METTL15: variants seen among roughly 807,000 people sequenced by gnomAD.
METTL15 encodes the protein methyltransferase 15, mitochondrial 12S rRNA N4-cytidine.
In METTL15, 34 loss-of-function variants were observed where a neutral mutation model predicts 38.3. The observed-to-expected ratio is 0.89, with a 90% CI of 0.68 to 1.18. The LOEUF (loss-of-function observed/expected upper bound fraction) is 1.18, where lower values mean the gene tolerates loss of function less well. Ranked by LOEUF, METTL15 falls within the 50% of genes most tolerant of loss-of-function variation. The pLI is 0.00. For synonymous variants in METTL15, 162 were observed against 170.9 expected, an observed-to-expected ratio of 0.95 and a Z score of 0.41; for missense variants, 438 against 498.4, an observed-to-expected ratio of 0.88 and a Z score of 1.15.
At chr11:28,275,027 A>G (rs1016864876) in intron 4 of METTL15, among the ~76,000 whole-genome samples, 3 of 151,744 alleles carry the variant, frequency 2.0e-5, no homozygotes, top group Non-Finnish European at 4.4e-5. Flanking sequence ...TAGAAAGATT[A>G]CAAACTGACA....
intron 6 of METTL15, among the ~76,000 whole-genome samples, chr11:28,309,294 C>T (rs986524425): frequency 6.6e-6 from 1 of 152,068 alleles, no homozygotes; most frequent in African/African-American, 2.4e-5. Context: ...CTTTTGACAC[C>T]CCACCACTGT....
At chr11:28,426,574 G>A (rs913000105) in intron 6 of METTL15, among the ~76,000 whole-genome samples, 1 of 143,140 alleles carries the variant, frequency 7.0e-6, no homozygotes, top group African/African-American at 2.6e-5. Context: ...CTGTAACCTT[G>A]CCAGCATCTG....
chr11:28,378,085 T>G (rs1850338674), intron 5 of METTL15, among the ~76,000 whole-genome samples: 2 of 152,254 alleles, frequency 1.3e-5, no homozygotes, highest in South Asian at 4.1e-4. Context: ...CATTTAAGTC[T>G]GCAGAGGTTA....
intron 5 of METTL15, among the ~76,000 whole-genome samples, chr11:28,372,156 T>G (rs1850250274): frequency 6.6e-6 from 1 of 152,090 alleles, no homozygotes; most frequent in Admixed American, 6.6e-5. Flanking sequence ...TTTTGAGGTA[T>G]GTTCCTTTTC....
intron 6 of METTL15, among the ~76,000 whole-genome samples, chr11:28,518,603 A>G (rs1351166746): frequency 1.3e-5 from 2 of 152,232 alleles, no homozygotes; most frequent in African/African-American, 4.8e-5. Flanking sequence ...CCTAGGGGTT[A>G]GCCATGTCAT....
Position 28,179,981 on chromosome 11 carries a change from A to G in METTL15, c.271-31081A>G, listed in dbSNP as rs527263314. On this transcript the variant is annotated intron_variant, in intron 3 of 6. Coordinates refer to ENST00000407364, the MANE Select transcript of METTL15 (RefSeq NM_001113528.2). Reference sequence around the variant, plus strand: ...ATGTCATTGGTATTAATTTGTATTTACTTGATGAATGATGATATTAAGTAC... The same window carrying G: ...ATGTCATTGGTATTAATTTGTATTTGCTTGATGAATGATGATATTAAGTAC... 7.2e-5 allele frequency among the ~76,000 whole-genome samples: 11 copies of G among 151,868 alleles called. No homozygotes were observed. In the South Asian group the frequency reaches 2.3e-3, roughly 31 times the overall value.
At chr11:28,287,678 T>G (rs1484854557) in intron 4 of METTL15, 1 of 152,578 alleles carries the variant, frequency 6.6e-6, no homozygotes, top group Non-Finnish European at 1.5e-5. Context: ...CATATATAAA[T>G]AAATTAATTT....
At chr11:28,212,128 A>G (rs1417223300) in intron 4 of METTL15, among the ~76,000 whole-genome samples, 1 of 152,070 alleles carries the variant, frequency 6.6e-6, no homozygotes, top group Non-Finnish European at 1.5e-5. Flanking sequence ...GTCATCTAGA[A>G]TAGTATTTAC....
chr11:28,190,366 G>A (rs1049184401), intron 3 of METTL15, among the ~76,000 whole-genome samples: 15 of 151,154 alleles, frequency 9.9e-5, no homozygotes, highest in African/African-American at 3.6e-4. Context: ...TTAAGTTTTT[G>A]TCTACTCTTT....
At chr11:28,220,298 C>G (rs144677028) in intron 4 of METTL15, among the ~76,000 whole-genome samples, 16 of 152,230 alleles carry the variant, frequency 1.1e-4, no homozygotes, top group African/African-American at 3.4e-4. Flanking sequence ...TTGAATTGAT[C>G]ACTTTACCAT....
At chr11:28,370,074 C>A (rs1238328392) in intron 5 of METTL15, among the ~76,000 whole-genome samples, 2 of 152,022 alleles carry the variant, frequency 1.3e-5, no homozygotes, top group Admixed American at 1.3e-4. Context: ...GCTAGAAACA[C>A]CTGAATTATT....
chr11:28,315,428 A>C (rs190426561), intron 6 of METTL15, among the ~76,000 whole-genome samples: 77 of 152,322 alleles, frequency 5.1e-4, no homozygotes, highest in Non-Finnish European at 5.7e-4. Context: ...AGAAATTTCT[A>C]AGCAGCAAAG....
intron 4 of METTL15, among the ~76,000 whole-genome samples, chr11:28,217,753 A>T (rs11603075): frequency 0.15 from 22,107 of 152,126 alleles, 1,795 homozygotes; most frequent in East Asian, 0.28. Context: ...TAAGGAAGGG[A>T]TCCAGTTTCA....
chr11:28,358,026 G>C (rs1158648981), intron 4 of METTL15, among the ~76,000 whole-genome samples: 2 of 152,034 alleles, frequency 1.3e-5, no homozygotes, highest in Non-Finnish European at 2.9e-5. Context: ...TAAATCTGTG[G>C]TTATTAAGAT....
chr11:28,389,736 G>C (rs1275213800), intron 5 of METTL15, among the ~76,000 whole-genome samples: 1 of 151,380 alleles, frequency 6.6e-6, no homozygotes, highest in Admixed American at 6.6e-5. Context: ...TAGTCCTTTG[G>C]GTATATACCC....
intron 6 of METTL15, among the ~76,000 whole-genome samples, chr11:28,479,209 GTGCCTACTGTA>G (rs1375468427): frequency 1.3e-5 from 1 of 79,574 alleles, no homozygotes; most frequent in African/African-American, 3.8e-5. Flanking sequence ...TATTTATTGA[GTGCCTACTGTA>G]TGTCATGACT....
At chr11:28,384,444 G>T (rs766623348) in intron 5 of METTL15, among the ~76,000 whole-genome samples, 1 of 152,022 alleles carries the variant, frequency 6.6e-6, no homozygotes, top group South Asian at 2.1e-4. Context: ...AAGTAGCTGG[G>T]ATTACAGACA....
chr11:28,244,113 AC>A (rs1854416212), intron 4 of METTL15, among the ~76,000 whole-genome samples: 1 of 152,214 alleles, frequency 6.6e-6, no homozygotes, highest in Non-Finnish European at 1.5e-5. Context: ...AAAAACAAAA[AC>A]AAAAAACCAA....
chr11:28,285,791 A>G lies in METTL15; in HGVS notation c.408-4415A>G, dbSNP rs139085780. Among the ~76,000 whole-genome samples, 493 of 152,168 alleles carry G rather than the reference A, an allele frequency of 3.2e-3. 2 individuals carry two copies. The highest frequency in any genetic ancestry group is 0.012 in the African/African-American group (482 of 41,526). Reference sequence around the variant, plus strand: ...GTGTGCTGCTTCTTTCATATCAAGCAAGTGTTAGAAAAACCTTCTTTCCCC... The same window carrying G: ...GTGTGCTGCTTCTTTCATATCAAGCGAGTGTTAGAAAAACCTTCTTTCCCC... On this transcript the variant is annotated intron_variant, in intron 4 of 6. Coordinates refer to ENST00000407364, the MANE Select transcript of METTL15 (RefSeq NM_001113528.2).
Sources: gnomAD v4.1 joint callset for allele counts (sites outside exome capture counted in the v4.1 genomes callset) on GRCh38, gnomAD v4.1.1 for gene constraint, MANE v1.5 for transcripts, NCBI Gene and HGNC (gene_info 2026-07-23, HGNC 2026-07-21) for gene names.